NLRC5: variants seen among roughly 807,000 people sequenced by gnomAD.
The protein encoded by NLRC5 is NLR family CARD domain containing 5.
NLRC5 carries 114 observed loss-of-function variants against 206.9 expected under a neutral mutation model. The observed-to-expected ratio is 0.55, with a 90% CI of 0.47 to 0.64. The LOEUF is 0.64. NLRC5 is among the 30% of genes least tolerant of loss of function. The pLI, the probability that NLRC5 is intolerant of heterozygous loss-of-function variation, is 0.00. For synonymous variants in NLRC5, 952 were observed against 962.8 expected, an observed-to-expected ratio of 0.99 and a Z score of 0.21; for missense variants, 2,008 against 2,305.5, an observed-to-expected ratio of 0.87 and a Z score of 2.64.
intron 27 of NLRC5, among the ~76,000 whole-genome samples, chr16:57,056,111 G>A (rs949901609): frequency 2.6e-5 from 4 of 152,202 alleles, no homozygotes; most frequent in African/African-American, 7.2e-5. Flanking sequence ...GAGACACAGA[G>A]GGTGTAAGAA....
intron 1 of NLRC5, among the ~76,000 whole-genome samples, chr16:57,005,555 C>T (rs1178169395): frequency 2.0e-5 from 3 of 151,336 alleles, no homozygotes; most frequent in African/African-American, 4.9e-5. Context: ...AATGACAACT[C>T]GTATAGCTGA....
At chr16:57,064,838 C>T (rs1057344147) in intron 32 of NLRC5, among the ~76,000 whole-genome samples, 6 of 152,166 alleles carry the variant, frequency 3.9e-5, no homozygotes, top group African/African-American at 4.8e-5. Context: ...GCAGGAGAAT[C>T]GCTTGAACCC....
intron 32 of NLRC5, 122 bp from the exon 33 acceptor site, chr16:57,065,090 C>CA (rs1160709885): frequency 8.9e-5 from 42 of 469,274 alleles, no homozygotes; most frequent in South Asian, 2.8e-4. Flanking sequence ...TTAAAATGAG[C>CA]AAAAAAAACT....
intron 1 of NLRC5, among the ~76,000 whole-genome samples, chr16:57,005,054 T>C (rs894349081): frequency 2.0e-5 from 3 of 152,118 alleles, no homozygotes; most frequent in Non-Finnish European, 4.4e-5. Flanking sequence ...CCCCATTTGA[T>C]TACTCGGCCT....
In NLRC5 at chr16:57,033,738, GC is replaced by G. The variant is rs2062154724; in HGVS notation, c.2543+70del. 4 of 1,425,792 alleles carry G rather than the reference GC, an allele frequency of 2.8e-6. No individual in the cohort carries two copies. The East Asian group carries it at 9.1e-5, about 32-fold the overall frequency. The allele number at this position is 1,425,792 out of a possible 1,614,324, so 88.3% of individuals were successfully genotyped here. A position where few individuals can be genotyped will look rare whatever the true frequency, so the allele number is the denominator to read the frequency against. ...GGGGGAAAGTCCGAGGCAAGGGAGAGCAGGGGCAGGGAGGATAAAGGGAAAA... is the reference window on the plus strand; with the variant it reads ...GGGGGAAAGTCCGAGGCAAGGGAGAGAGGGGCAGGGAGGATAAAGGGAAAA... On this transcript the variant is annotated intron_variant, in intron 12 of 48. Transcript: ENST00000688547.
chr16:57,070,581 A>G lies in NLRC5; in HGVS notation c.4630A>G (p.Arg1544Gly). Residue 1544 changes from arginine (R) to glycine (G), a missense_variant, in exon 38 of 49, where the codon AGG (arginine) becomes GGG (glycine). Coordinates refer to ENST00000688547, the MANE Select transcript of NLRC5 (RefSeq NM_001384950.1). ...TGAGGAGGGCACCAAGGCGCTGATG[A>G]GGGCCCTTGAGGGGAAATGGATGCT... ...FDEEGTKALM[R>G]ALEGKWMLKR... is the part of the protein sequence containing the mutation. 1 of 1,614,138 alleles carries G rather than the reference A, an allele frequency of 6.2e-7. No individual in the cohort carries two copies. Among genetic ancestry groups the G allele is most frequent in the South Asian group, 1.1e-5 (1 of 91,086 alleles).
At chr16:57,079,154 C>T in intron 44 of NLRC5, 21 bp downstream of exon 44, 1 of 1,614,008 alleles carries the variant, frequency 6.2e-7, no homozygotes, top group Admixed American at 1.7e-5. Flanking sequence ...GCTGCCCAGC[C>T]CAGGCACGGG....
intron 1 of NLRC5, among the ~76,000 whole-genome samples, chr16:56,993,698 G>A (rs1444227574): frequency 6.6e-6 from 1 of 152,114 alleles, no homozygotes; most frequent in Non-Finnish European, 1.5e-5. Context: ...AAATATTTAA[G>A]AGTCACCTGT....
chr16:57,070,583 G>A lies in NLRC5; in HGVS notation c.4632G>A (p.Arg1544=), dbSNP rs1225346378. The part of the protein sequence containing the change: ...FDEEGTKALM[R]ALEGKWMLKR... ...AGGAGGGCACCAAGGCGCTGATGAG[G>A]GCCCTTGAGGGGAAATGGATGCTAA... Residue 1544 remains arginine (R), a synonymous_variant, in exon 38 of 49, where the codon AGG becomes AGA. Coordinates refer to ENST00000688547, the MANE Select transcript of NLRC5 (RefSeq NM_001384950.1). The A allele has an allele frequency of 8.7e-6, 14 of 1,614,166 alleles. 1 individual carries two copies. The South Asian group carries it at 1.4e-4, about 16-fold the overall frequency.
intron 17 of NLRC5, chr16:57,041,233 C>G (rs1304249075): frequency 3.9e-6 from 2 of 514,174 alleles, no homozygotes; most frequent in Non-Finnish European, 3.5e-6. Flanking sequence ...GATCTGCTCT[C>G]TCTCTCTGAG....
Position 57,079,047 on chromosome 16 carries a change from C to A in NLRC5, c.5082-3C>A. 2 of 1,613,766 alleles carry A rather than the reference C, an allele frequency of 1.2e-6. No homozygotes were observed. The highest frequency in any genetic ancestry group is 8.5e-7 in the Non-Finnish European group (1 of 1,179,720). ...CTCCTCTCACCCTCTCCTCTTTCCCCAGCCTACCATTCAGCCATCTGGGCC... is the reference window on the plus strand; with the variant it reads ...CTCCTCTCACCCTCTCCTCTTTCCCAAGCCTACCATTCAGCCATCTGGGCC... On this transcript the variant is annotated splice_region_variant and splice_polypyrimidine_tract_variant and intron_variant, in intron 43 of 48. Coordinates refer to ENST00000688547, the MANE Select transcript of NLRC5 (RefSeq NM_001384950.1).
intron 29 of NLRC5, 147 bp from the exon 30 acceptor site, chr16:57,059,320 G>A: frequency 6.8e-7 from 1 of 1,470,480 alleles, no homozygotes; most frequent in Non-Finnish European, 9.0e-7. Flanking sequence ...AATGAGTTTG[G>A]GGGTCTCCTC....
chr16:57,012,546 C>T (rs1361974579), intron 1 of NLRC5, among the ~76,000 whole-genome samples: 2 of 152,120 alleles, frequency 1.3e-5, no homozygotes, highest in African/African-American at 4.8e-5. Flanking sequence ...TGCCTCCTGT[C>T]GGATCAGCGG....
intron 28 of NLRC5, 153 bp downstream of exon 28, chr16:57,058,301 C>A: frequency 3.1e-6 from 2 of 641,778 alleles, no homozygotes; most frequent in Non-Finnish European, 5.5e-6. Context: ...GCCTTCACTC[C>A]CCTGGCCTTG....
intron 2 of NLRC5, among the ~76,000 whole-genome samples, chr16:57,018,383 G>A (rs554161517): frequency 2.0e-5 from 3 of 152,326 alleles, no homozygotes; most frequent in African/African-American, 7.2e-5. Flanking sequence ...GTGTGACTGT[G>A]GGCACACCCT....
intron 1 of NLRC5, among the ~76,000 whole-genome samples, chr16:56,990,355 A>G (rs2142039499): frequency 6.6e-6 from 1 of 152,330 alleles, no homozygotes; most frequent in Non-Finnish European, 1.5e-5. Flanking sequence ...GCATACTACA[A>G]ACATTTTAAT....
chr16:57,066,307 TAA>T (rs762177649), intron 33 of NLRC5, among the ~76,000 whole-genome samples: 19 of 138,512 alleles, frequency 1.4e-4, no homozygotes, highest in Non-Finnish European at 1.1e-4. Flanking sequence ...CCTGTCTCTT[TAA>T]AAAAAAAAAA....
intron 16 of NLRC5, among the ~76,000 whole-genome samples, chr16:57,040,084 C>G (rs1240239753): frequency 6.6e-6 from 1 of 152,228 alleles, no homozygotes; most frequent in Admixed American, 6.5e-5. Flanking sequence ...AGGATATAGA[C>G]AGCAGGCCAG....
Position 57,054,769 on chromosome 16 carries a change from GT to G in NLRC5, c.3526del (p.Ser1176ProfsTer12). 6.2e-7 allele frequency: 1 copy of G among 1,614,050 alleles called. No homozygotes were observed. Among genetic ancestry groups the G allele is most frequent in the South Asian group, 1.1e-5 (1 of 91,082 alleles). ...SLLQLSQTGL[S>X]PKSPFLLANT... ...TTTTCAGGCTGAGCCAGACGGGACT[GT>G]CCCCGAAAAGCCCCTTCCTGCTGGC... On this transcript the variant is annotated frameshift_variant, in exon 25 of 49. Coordinates refer to ENST00000688547, the MANE Select transcript of NLRC5 (RefSeq NM_001384950.1). LOFTEE classifies it high-confidence loss of function.
Sources: gnomAD v4.1 joint callset for allele counts (sites outside exome capture counted in the v4.1 genomes callset) on GRCh38, gnomAD v4.1.1 for gene constraint, MANE v1.5 for transcripts, NCBI Gene and HGNC (gene_info 2026-07-23, HGNC 2026-07-21) for gene names.